The following P2RX4 variants were observed in gnomAD, a reference collection of about 807,000 sequenced individuals.
P2RX4 encodes the protein P2X purinoceptor 4.
In P2RX4, 37 loss-of-function variants were observed where a neutral mutation model predicts 48.0. That is an observed-to-expected ratio of 0.77 (90% CI 0.59 to 1.01). P2RX4 has a LOEUF of 1.01. Ranked by LOEUF, P2RX4 falls within the 50% of genes least tolerant of loss-of-function variation. The probability of loss-of-function intolerance (pLI) is 0.00; values close to 1 mark genes in which losing one functional copy is unlikely to be tolerated. For missense variants in P2RX4, 501 were observed against 521.4 expected, an observed-to-expected ratio of 0.96 and a Z score of 0.38; for synonymous variants, 200 against 199.7, an observed-to-expected ratio of 1.00 and a Z score of -0.01.
intron 4 of P2RX4, chr12:121,222,687 C>T: frequency 2.9e-6 from 4 of 1,364,480 alleles, no homozygotes; most frequent in South Asian, 1.2e-5. Context: ...GCTAGGATTA[C>T]AGGCATGACC....
Position 121,228,872 on chromosome 12 carries a change from T to C in P2RX4, c.747+6T>C, listed in dbSNP as rs1394792643. ...TCCAGGACATGGCCGTGGAGGTGGG[T>C]GCGGGCCCTGGCTCTCCTGACCCAG... On this transcript the variant is annotated splice_donor_region_variant and intron_variant, in intron 7 of 11. Transcript: ENST00000337233. 2 of 1,613,910 alleles carry C rather than the reference T, an allele frequency of 1.2e-6. No homozygotes were observed. The highest frequency in any genetic ancestry group is 1.7e-6 in the Non-Finnish European group (2 of 1,179,970).
chr12:121,216,241 G>A (rs1174658356), intron 1 of P2RX4: 1 of 152,340 alleles, frequency 6.6e-6, no homozygotes, highest in African/African-American at 2.4e-5. Flanking sequence ...GAGCATAGTG[G>A]GTGAGAGAAG....
In P2RX4 at chr12:121,232,390, C is replaced by T. The variant is rs869237544; in HGVS notation, c.885-24C>T. 6.4e-7 allele frequency: 1 copy of T among 1,563,280 alleles called. No homozygotes were observed. Among genetic ancestry groups the T allele is most frequent in the South Asian group, 1.1e-5 (1 of 90,128 alleles). Reference sequence around the variant, plus strand: ...AAGGTCCTGCCCCAGCCATCTCCCCCTGATCCATCCTCCTTCCCCTCAGGT... The same window carrying T: ...AAGGTCCTGCCCCAGCCATCTCCCCTTGATCCATCCTCCTTCCCCTCAGGT... On this transcript the variant is annotated intron_variant, in intron 8 of 11. Coordinates refer to ENST00000337233, the MANE Select transcript of P2RX4 (RefSeq NM_002560.3). The surrounding 1 kb of genome is among the most constrained non-coding windows in gnomAD (Gnocchi z 4.3).
chr12:121,211,658 C>T (rs1885859860), intron 1 of P2RX4, among the ~76,000 whole-genome samples: 1 of 152,076 alleles, frequency 6.6e-6, no homozygotes, highest in Non-Finnish European at 1.5e-5. Flanking sequence ...ATCTGGAAAT[C>T]TTTGGCTCCC....
At chr12:121,222,905 C>T (rs1886732711) in intron 4 of P2RX4, 42 bp from the exon 5 acceptor site, 4 of 1,497,506 alleles carry the variant, frequency 2.7e-6, no homozygotes, top group Non-Finnish European at 2.8e-6. Flanking sequence ...AATAGGAGAC[C>T]CCTGTGGACA....
chr12:121,211,587 A>T (rs1885854621), intron 1 of P2RX4, among the ~76,000 whole-genome samples: 1 of 152,202 alleles, frequency 6.6e-6, no homozygotes, highest in South Asian at 2.1e-4. Flanking sequence ...TCTGGTGTCT[A>T]CAGCTGCTGG....
rs747065007 is a variant in P2RX4, at chr12:121,233,487, A to T, written c.1141-36A>T. 3 of 1,596,266 alleles carry T rather than the reference A, an allele frequency of 1.9e-6. No homozygotes were observed. The African/African-American group carries it at 4.0e-5, about 21-fold the overall frequency. Reference sequence around the variant, plus strand: ...CCTCCCGCCTGCCACAAGGGGTCCCAGGGGCACCTTGATCTGCTTGTGTCC... The same window carrying T: ...CCTCCCGCCTGCCACAAGGGGTCCCTGGGGCACCTTGATCTGCTTGTGTCC... On this transcript the variant is annotated intron_variant, in intron 11 of 11. Coordinates refer to ENST00000337233, the MANE Select transcript of P2RX4 (RefSeq NM_002560.3).
At position 121,232,675 on chromosome 12, in the gene P2RX4, T is replaced by C; in HGVS notation, c.1043T>C (p.Met348Thr). 6.2e-7 allele frequency: 1 copy of C among 1,611,182 alleles called. No individual in the cohort carries two copies. The highest frequency in any genetic ancestry group is 8.5e-7 in the Non-Finnish European group (1 of 1,177,334). The change falls in exon 10 of 12, where the codon ATG (methionine) becomes ACG (threonine). Residue 348 changes from methionine to threonine, a missense_variant and splice_region_variant. By Grantham distance (81) the Met-to-Thr change is moderately conservative. This residue lies in a region of P2RX4 where 197 missense variants were observed against 219.5 expected (regional missense o/e 0.90). Coordinates refer to ENST00000337233, the MANE Select transcript of P2RX4 (RefSeq NM_002560.3). The surrounding 1 kb of genome is among the most constrained non-coding windows in gnomAD (Gnocchi z 4.3). ...GGCTCTGGCCTGGCACTGCTAGGCA[T>C]GGTGAGTGGTTTAGGCCCTGCCTTC... is the stretch of plus-strand genomic sequence containing the variant. ...NIGSGLALLG[M>T]ATVLCDIIVL...
intron 5 of P2RX4, among the ~76,000 whole-genome samples, chr12:121,227,208 A>G (rs2942063): frequency 0.36 from 54,224 of 151,810 alleles, 9,945 homozygotes; most frequent in South Asian, 0.4. Context: ...CCTGTCACTG[A>G]CCTTGCTCCT....
At chr12:121,227,163 A>C (rs755577143) in intron 5 of P2RX4, among the ~76,000 whole-genome samples, 4 of 150,794 alleles carry the variant, frequency 2.7e-5, no homozygotes, top group Admixed American at 1.3e-4. Flanking sequence ...CTCTGACAGC[A>C]GTGGTGACAG....
At chr12:121,228,383 AAAATATAT>A (rs1206738203) in intron 5 of P2RX4, 142 bp from the exon 6 acceptor site, 4 of 178,364 alleles carry the variant, frequency 2.2e-5, no homozygotes, top group Admixed American at 7.7e-5. Flanking sequence ...AAAAAAAAAA[AAAATATAT>A]ATATATATAT....
chr12:121,230,936 G>GTATATA (rs10700307), intron 8 of P2RX4, among the ~76,000 whole-genome samples: 11 of 146,346 alleles, frequency 7.5e-5, no homozygotes, highest in African/African-American at 2.8e-4. Context: ...GTATATATGT[G>GTATATA]TATATATATA....
chr12:121,233,781 C>T lies in P2RX4; in HGVS notation c.*232C>T, dbSNP rs1030428167. 14 of 1,028,500 alleles carry T rather than the reference C, an allele frequency of 1.4e-5. No homozygotes were observed. Among genetic ancestry groups the T allele is most frequent in the African/African-American group, 1.3e-4 (8 of 61,780 alleles). 63.7% of individuals were successfully genotyped at this position (1,028,500 alleles called of 1,614,324 possible). A position where few individuals can be genotyped will look rare whatever the true frequency, so the allele number is the denominator to read the frequency against. ...TTGGCTGGGTCAACTCTGCTTTTCC[C>T]GCAACCTGGGGTTGTCGGGGGAGCG... On this transcript the variant is annotated 3_prime_UTR_variant, in exon 12 of 12. Transcript: ENST00000337233.
At chr12:121,216,905 C>G (rs1233162831) in intron 1 of P2RX4, 1 of 703,914 alleles carries the variant, frequency 1.4e-6, no homozygotes, top group South Asian at 1.5e-5. Context: ...GTGCTGAGTG[C>G]TTTACCTGCA....
At chr12:121,215,925 A>G (rs566038279) in intron 1 of P2RX4, 12 of 152,302 alleles carry the variant, frequency 7.9e-5, no homozygotes, top group Non-Finnish European at 1.5e-4. Flanking sequence ...TCTTGGGGGA[A>G]AAGTAAGAAA....
rs370521524 is a variant in P2RX4, at chr12:121,223,005, G to A, written c.486G>A (p.Ala162=). ...GGTCTGTCAAGACGTGTGAGGTGGC[G>A]GCCTGGTGCCCGGTGGAGGATGACA... ...FNGSVKTCEV[A]AWCPVEDDTH... is the part of the protein sequence containing the mutation. Residue 162 remains alanine (A), a synonymous_variant, in exon 5 of 12, where the codon GCG becomes GCA. Coordinates refer to ENST00000337233, the MANE Select transcript of P2RX4 (RefSeq NM_002560.3). The A allele has an allele frequency of 3.7e-5, 59 of 1,613,326 alleles. No homozygotes were observed. In the Middle Eastern group the frequency reaches 6.6e-4, roughly 18 times the overall value.
At position 121,233,526 on chromosome 12, in the gene P2RX4, C is replaced by T. The variant is rs754340311; in HGVS notation, c.1144C>T (p.Leu382Phe). 7 of 1,608,414 alleles carry T rather than the reference C, an allele frequency of 4.4e-6. No homozygotes were observed. The highest frequency in any genetic ancestry group is 3.4e-6 in the Non-Finnish European group (4 of 1,177,278). Reference sequence around the variant, plus strand: ...CTGCTTGTGTCCTTCTTTGCAGGGTCTTGCTAGTGAGCTGGACCAGTGAGG... The same window carrying T: ...CTGCTTGTGTCCTTCTTTGCAGGGTTTTGCTAGTGAGCTGGACCAGTGAGG... ...YKYVEDYEQG[L>F]ASELDQ Residue 382 changes from leucine (L) to phenylalanine (F), a missense_variant, in exon 12 of 12, where the codon CTT becomes TTT. By Grantham distance (22) the Leu-to-Phe change is conservative. Around this residue, in one of 3 missense-constraint regions of P2RX4, gnomAD observed 197 missense variants for 219.5 expected, o/e 0.90. Transcript: ENST00000337233.
Position 121,232,851 on chromosome 12 carries a change from T to G in P2RX4, c.1045-146T>G, listed in dbSNP as rs1052233991. 1 of 859,432 alleles carries G rather than the reference T, an allele frequency of 1.2e-6. No individual in the cohort carries two copies. Among genetic ancestry groups the G allele is most frequent in the Non-Finnish European group, 2.0e-6 (1 of 504,178 alleles). The allele number at this position is 859,432 out of a possible 1,614,324, so 53.2% of individuals were successfully genotyped here. ...CTTCCCTTCTCCAAGACCACCCCCC[T>G]CAGGTCCCAGCCTTCTCCCAAGAGA... On this transcript the variant is annotated intron_variant, in intron 10 of 11. Coordinates refer to ENST00000337233, the MANE Select transcript of P2RX4 (RefSeq NM_002560.3). This position sits in a 1 kb window ranked among gnomAD's most constrained non-coding sequence, Gnocchi z 4.3.
intron 2 of P2RX4, 104 bp from the exon 3 acceptor site, chr12:121,221,809 C>A: frequency 1.1e-6 from 1 of 872,926 alleles, no homozygotes; most frequent in South Asian, 1.4e-5. Context: ...AGCGGGAGAG[C>A]ACGCGGTCAG....
Sources: allele counts gnomAD v4.1 joint callset (sites outside exome capture counted in the v4.1 genomes callset), GRCh38; gene constraint gnomAD v4.1.1; regional missense constraint gnomAD v4.1.1; non-coding constraint Gnocchi (gnomAD v3.1); transcripts MANE v1.5; gene names NCBI Gene and HGNC (gene_info 2026-07-23, HGNC 2026-07-21).